UBE2D2: variants seen among roughly 807,000 people sequenced by gnomAD.
UBE2D2 encodes the protein ubiquitin-conjugating enzyme E2 D2.
Under a neutral mutation model 24.2 loss-of-function variants are expected in UBE2D2, and 2 were observed. That is an observed-to-expected ratio of 0.08 (90% CI 0.03 to 0.26). The LOEUF (loss-of-function observed/expected upper bound fraction) is 0.26. Ranked by LOEUF, UBE2D2 falls within the 10% of genes least tolerant of loss-of-function variation. UBE2D2 has a pLI of 1.00. For missense variants in UBE2D2, 44 were observed against 177.6 expected, an observed-to-expected ratio of 0.25 and a Z score of 4.28; for synonymous variants, 58 against 56.5, an observed-to-expected ratio of 1.03 and a Z score of -0.12.
At position 139,570,286 on chromosome 5, in the gene UBE2D2, A is replaced by AG. The variant is rs201554605; in HGVS notation, c.24+8471_24+8472insG. ...ATTCTGTGTCAAAACAACAACAACAACAACAAAACAACTATTGCAAATTTG... is the reference window on the plus strand; with the variant it reads ...ATTCTGTGTCAAAACAACAACAACAAGCAACAAAACAACTATTGCAAATTTG... On this transcript the variant is annotated intron_variant, in intron 1 of 6. Transcript: ENST00000398733. Among the ~76,000 whole-genome samples, 1,177 of 152,112 alleles carry AG rather than the reference A, an allele frequency of 7.7e-3. 8 individuals are homozygous for AG. Among genetic ancestry groups the AG allele is most frequent in the Middle Eastern group, 0.041 (12 of 294 alleles).
intron 5 of UBE2D2, among the ~76,000 whole-genome samples, chr5:139,622,620 TG>T (rs756644861): frequency 6.6e-4 from 97 of 147,930 alleles, no homozygotes; most frequent in Non-Finnish European, 1.3e-3. Context: ...CTGGGTGCAG[TG>T]GCTCACGCCT....
chr5:139,550,585 T>G (rs376033565), intron 1 of UBE2D2, among the ~76,000 whole-genome samples: 6 of 152,088 alleles, frequency 3.9e-5, no homozygotes, highest in Admixed American at 3.9e-4. Flanking sequence ...GGAGTTTTGT[T>G]TTTTTGATCT....
At chr5:139,560,413 G>T (rs1753049698), upstream of UBE2D2, among the ~76,000 whole-genome samples, 1 of 152,122 alleles carries the variant, frequency 6.6e-6, no homozygotes, top group African/African-American at 2.4e-5. Context: ...GGCCAGGCTG[G>T]TCTCGAATTC....
chr5:139,569,134 A>C (rs1177038359), intron 1 of UBE2D2, among the ~76,000 whole-genome samples: 1 of 152,190 alleles, frequency 6.6e-6, no homozygotes, highest in African/African-American at 2.4e-5. Flanking sequence ...TATTTAAATT[A>C]GTTCTATCTT....
intron 1 of UBE2D2, among the ~76,000 whole-genome samples, chr5:139,571,358 G>C (rs2126655362): frequency 6.6e-6 from 1 of 151,358 alleles, no homozygotes; most frequent in South Asian, 2.1e-4. Context: ...AGTGTGCCGA[G>C]GTCGTGCCAC....
chr5:139,546,817 TCTTCCTTCCTTCCTTC>T (rs59929319), intron 1 of UBE2D2, among the ~76,000 whole-genome samples: 13,324 of 138,322 alleles, frequency 0.096, 757 homozygotes, highest in Middle Eastern at 0.19. Context: ...CTTCTTTCTT[TCTTCCTTCCTTCCTTC>T]CTTCCTTCCT....
intron 1 of UBE2D2, chr5:139,562,337 G>A (rs779705976): frequency 1.5e-6 from 2 of 1,344,728 alleles, no homozygotes; most frequent in East Asian, 4.6e-5. Context: ...CTCTTGGGTG[G>A]CAGCACACAT....
At chr5:139,624,770 G>T (rs2126711077) in intron 6 of UBE2D2, among the ~76,000 whole-genome samples, 1 of 152,390 alleles carries the variant, frequency 6.6e-6, no homozygotes, top group South Asian at 2.1e-4. Flanking sequence ...GACAGAGCAA[G>T]ACTCACGTCT....
At chr5:139,605,976 C>T (rs1754191579) in intron 2 of UBE2D2, among the ~76,000 whole-genome samples, 1 of 152,056 alleles carries the variant, frequency 6.6e-6, no homozygotes, top group Non-Finnish European at 1.5e-5. Context: ...ATCCTGGGCT[C>T]AAGTGATCCT....
intron 1 of UBE2D2, among the ~76,000 whole-genome samples, chr5:139,594,900 T>A (rs1160414747): frequency 6.6e-6 from 1 of 152,192 alleles, no homozygotes; most frequent in African/African-American, 2.4e-5. Context: ...GGCATAGTAT[T>A]TGCGTATAAC....
In UBE2D2 at chr5:139,561,535, C is replaced by A; in HGVS notation, c.-257C>A. The A allele has an allele frequency of 5.0e-6, 2 of 403,676 alleles. No individual in the cohort carries two copies. The highest frequency in any genetic ancestry group is 8.8e-6 in the Non-Finnish European group (2 of 228,116). The allele number at this position is 403,676 out of a possible 1,614,324, so 25.0% of individuals were successfully genotyped here. On this transcript the variant is annotated 5_prime_UTR_variant, in exon 1 of 7. Transcript: ENST00000398733. ...TGATCCTGGGAGGAAGAGGCAGCTA[C>A]GGCGGCGGCGGCGGTGGCGGCTAGG...
chr5:139,566,471 C>T (rs1452683605), intron 1 of UBE2D2, among the ~76,000 whole-genome samples: 5 of 151,962 alleles, frequency 3.3e-5, no homozygotes, highest in African/African-American at 9.7e-5. Flanking sequence ...CTCAGGAGTT[C>T]GAGACCAGCC....
intron 1 of UBE2D2, among the ~76,000 whole-genome samples, chr5:139,539,795 C>A (rs1218258973): frequency 1.3e-5 from 2 of 150,528 alleles, no homozygotes; most frequent in Admixed American, 1.3e-4. Context: ...TTGGGTTTCG[C>A]CATGTTGGCC....
chr5:139,568,348 A>C (rs1222356171), intron 1 of UBE2D2, among the ~76,000 whole-genome samples: 1 of 151,742 alleles, frequency 6.6e-6, no homozygotes, highest in African/African-American at 2.4e-5. Flanking sequence ...TCTCAAAAAA[A>C]AAAAAATTGC....
At chr5:139,583,407 A>G (rs919504594) in intron 1 of UBE2D2, among the ~76,000 whole-genome samples, 1 of 152,212 alleles carries the variant, frequency 6.6e-6, no homozygotes, top group Non-Finnish European at 1.5e-5. Context: ...TAGCCATTCT[A>G]CAATGTATTC....
intron 6 of UBE2D2, among the ~76,000 whole-genome samples, chr5:139,625,336 A>G (rs1243771332): frequency 2.3e-5 from 3 of 128,444 alleles, no homozygotes; most frequent in African/African-American, 3.1e-5. Flanking sequence ...GCTGGTCTCT[A>G]ATTCCTGGCC....
chr5:139,573,903 G>A (rs1201233197), intron 1 of UBE2D2, among the ~76,000 whole-genome samples: 1 of 151,994 alleles, frequency 6.6e-6, no homozygotes, highest in Non-Finnish European at 1.5e-5. Context: ...CTCGGGAAGC[G>A]GAGCTTGCAG....
chr5:139,593,237 G>A (rs1446399397), intron 1 of UBE2D2, among the ~76,000 whole-genome samples: 3 of 147,754 alleles, frequency 2.0e-5, no homozygotes, highest in African/African-American at 2.5e-5. Context: ...CTTGTGATCC[G>A]TCCACCTCGG....
intron 1 of UBE2D2, among the ~76,000 whole-genome samples, chr5:139,549,436 C>T (rs766405806): frequency 1.6e-4 from 24 of 152,336 alleles, no homozygotes; most frequent in Non-Finnish European, 2.5e-4. Flanking sequence ...CCCCGCACTC[C>T]GAGCGGCCGG....
Sources: gnomAD v4.1 joint callset for allele counts (sites outside exome capture counted in the v4.1 genomes callset) on GRCh38, gnomAD v4.1.1 for gene constraint, MANE v1.5 for transcripts, NCBI Gene and HGNC (gene_info 2026-07-23, HGNC 2026-07-21) for gene names.